Variants in LINGO2 observed in about 807,000 individuals in gnomAD.
The protein encoded by LINGO2 is leucine rich repeat and Ig domain containing 2, also known as leucine-rich repeat and immunoglobulin-like domain-containing nogo receptor-interacting protein 2.
A neutral mutation model predicts 30.6 loss-of-function variants in LINGO2; 14 were observed. That is an observed-to-expected ratio of 0.46 (90% CI 0.30 to 0.72). The LOEUF (loss-of-function observed/expected upper bound fraction) is 0.72. Among genes scored for constraint, LINGO2 ranks in the 30% least tolerant of loss-of-function variants. The pLI, the probability that LINGO2 is intolerant of heterozygous loss-of-function variation, is 0.07. For missense variants in LINGO2, 729 were observed against 751.7 expected, an observed-to-expected ratio of 0.97 and a Z score of 0.35; for synonymous variants, 317 against 288.5, an observed-to-expected ratio of 1.10 and a Z score of -1.00.
At chr9:29,069,587 G>T in the LINGO2 span, among the ~76,000 whole-genome samples, 1 of 151,968 alleles carries the variant, frequency 6.6e-6, no homozygotes, top group African/African-American at 2.4e-5. Flanking sequence ...GGGTGCTGTA[G>T]AAACATTCTT....
intron 2 of LINGO2, among the ~76,000 whole-genome samples, chr9:28,404,244 C>T (rs146397521): frequency 6.6e-6 from 1 of 151,894 alleles, no homozygotes; most frequent in African/African-American, 2.4e-5. Context: ...TCTTTCATTG[C>T]TTATTTCTGT....
At chr9:28,407,533 G>A (rs771035245) in intron 2 of LINGO2, among the ~76,000 whole-genome samples, 91 of 152,258 alleles carry the variant, frequency 6.0e-4, no homozygotes, top group Non-Finnish European at 1.1e-3. Flanking sequence ...ACAGAGGAGA[G>A]GTTTCTAAGG....
At chr9:28,271,531 T>G (rs1423647568) in intron 4 of LINGO2, among the ~76,000 whole-genome samples, 1 of 152,162 alleles carries the variant, frequency 6.6e-6, no homozygotes, top group Non-Finnish European at 1.5e-5. Flanking sequence ...ATAGAATAAC[T>G]TCAAAATATT....
chr9:28,727,269 G>C, the LINGO2 span, among the ~76,000 whole-genome samples: 1 of 151,906 alleles, frequency 6.6e-6, no homozygotes, highest in Non-Finnish European at 1.5e-5. Flanking sequence ...AACTTGTGAA[G>C]AGTTAGCTTA....
intron 2 of LINGO2, among the ~76,000 whole-genome samples, chr9:28,385,391 T>C (rs959704050): frequency 2.6e-5 from 4 of 152,158 alleles, no homozygotes; most frequent in Admixed American, 2.0e-4. Flanking sequence ...ACATACAGGT[T>C]GATTTTATAT....
intron 4 of LINGO2, among the ~76,000 whole-genome samples, chr9:28,120,656 AATTATT>A (rs1231035332): frequency 6.6e-6 from 1 of 152,226 alleles, no homozygotes. Flanking sequence ...GCAATATGGT[AATTATT>A]ATTCACAGAA....
intron 3 of LINGO2, among the ~76,000 whole-genome samples, chr9:28,364,242 G>A (rs16912739): frequency 0.012 from 1,795 of 152,202 alleles, 40 homozygotes; most frequent in African/African-American, 0.041. Context: ...GCAAGTGATT[G>A]ATTGACTAGA....
chr9:28,929,694 T>C, the LINGO2 span, among the ~76,000 whole-genome samples: 5 of 152,230 alleles, frequency 3.3e-5, no homozygotes, highest in Non-Finnish European at 7.3e-5. Context: ...CTAAGTATTA[T>C]GTCACAACAC....
chr9:29,141,326 A>C, the LINGO2 span, among the ~76,000 whole-genome samples: 1 of 151,980 alleles, frequency 6.6e-6, no homozygotes, highest in South Asian at 2.1e-4. Flanking sequence ...ATGTGATTGA[A>C]GTTAAATTGT....
intron 1 of LINGO2, among the ~76,000 whole-genome samples, chr9:28,618,129 G>C (rs1187399847): frequency 6.6e-6 from 1 of 152,100 alleles, no homozygotes; most frequent in Non-Finnish European, 1.5e-5. Context: ...TTAAATTCTA[G>C]AGCAACCATT....
the LINGO2 span, among the ~76,000 whole-genome samples, chr9:28,995,313 C>G: frequency 2.0e-5 from 3 of 152,172 alleles, no homozygotes; most frequent in Admixed American, 2.0e-4. Flanking sequence ...ATCAAAACCA[C>G]AATGAGATAC....
At chr9:29,038,673 G>GA in the LINGO2 span, among the ~76,000 whole-genome samples, 70,673 of 125,810 alleles carry the variant, frequency 0.56, 19,259 homozygotes, top group Middle Eastern at 0.61. Context: ...TCACTACTCA[G>GA]AAAAAAAAAA....
the LINGO2 span, among the ~76,000 whole-genome samples, chr9:28,841,075 C>G: frequency 6.6e-6 from 1 of 151,754 alleles, no homozygotes; most frequent in Non-Finnish European, 1.5e-5. Context: ...CTTTAAGTTA[C>G]TCTGTAACCT....
the LINGO2 span, among the ~76,000 whole-genome samples, chr9:28,798,082 A>G: frequency 6.6e-6 from 1 of 152,192 alleles, no homozygotes; most frequent in Non-Finnish European, 1.5e-5. Flanking sequence ...GTAAAGGTCA[A>G]TATCTGATTT....
At chr9:28,789,387 A>G in the LINGO2 span, among the ~76,000 whole-genome samples, 3 of 152,324 alleles carry the variant, frequency 2.0e-5, no homozygotes, top group East Asian at 5.8e-4. Flanking sequence ...ATAACTGAGA[A>G]CATTTTATCT....
rs989556125 is a variant in LINGO2, at chr9:28,423,764, T to C, written c.-278-50896A>G. 7.2e-5 allele frequency among the ~76,000 whole-genome samples: 11 copies of C among 152,264 alleles called. No individual in the cohort carries two copies. The South Asian group carries it at 2.1e-3, about 29-fold the overall frequency. On this transcript the variant is annotated intron_variant, in intron 2 of 5. Coordinates refer to ENST00000379992, the Ensembl canonical transcript of LINGO2. ...CTCATTTAACCAAAATGTAAGTGCT[T>C]AATAGTGGTGCTTCTCGGCTTGGGT...
intron 1 of LINGO2, among the ~76,000 whole-genome samples, chr9:28,634,265 T>C (rs1045685904): frequency 5.3e-5 from 8 of 152,120 alleles, no homozygotes; most frequent in African/African-American, 1.4e-4. Flanking sequence ...TAAAATATTA[T>C]ATACACAACT....
chr9:29,187,913 G>A, the LINGO2 span, among the ~76,000 whole-genome samples: 2 of 147,798 alleles, frequency 1.4e-5, no homozygotes, highest in Admixed American at 6.8e-5. Context: ...GCATAAGACT[G>A]AGACAGTTTA....
At chr9:28,252,614 G>A (rs1210836011) in intron 4 of LINGO2, among the ~76,000 whole-genome samples, 1 of 151,726 alleles carries the variant, frequency 6.6e-6, no homozygotes, top group East Asian at 1.9e-4. Context: ...TTAAATGAGA[G>A]CAATCATATG....
Sources: gnomAD v4.1 joint callset for allele counts (sites outside exome capture counted in the v4.1 genomes callset) on GRCh38, gnomAD v4.1.1 for gene constraint, MANE v1.5 for transcripts, NCBI Gene and HGNC (gene_info 2026-07-23, HGNC 2026-07-21) for gene names.